The following RARB variants were observed in gnomAD, a reference collection of about 807,000 sequenced individuals.
RARB encodes retinoic acid receptor beta.
In RARB, 17 loss-of-function variants were observed where a neutral mutation model predicts 51.9. That is an observed-to-expected ratio of 0.33 (90% CI 0.22 to 0.49). RARB has a LOEUF of 0.49. RARB is among the 20% of genes least tolerant of loss of function. RARB has a pLI of 0.99. For missense variants in RARB, 369 were observed against 550.8 expected (o/e 0.67, Z 3.30); for synonymous variants, 215 against 195.4 (o/e 1.10, Z -0.84).
chr3:25,131,420 A>C (rs1265793295), intron 3 of RARB, among the ~76,000 whole-genome samples: 1 of 151,982 alleles, frequency 6.6e-6, no homozygotes, highest in African/African-American at 2.4e-5. Flanking sequence ...TTTCTTTTTA[A>C]ACATTTTGAT....
chr3:25,541,092 C>G (rs1171257837), intron 3 of RARB, among the ~76,000 whole-genome samples: 1 of 152,244 alleles, frequency 6.6e-6, no homozygotes, highest in Non-Finnish European at 1.5e-5. Flanking sequence ...CATGCCTATT[C>G]ATTTATACTC....
chr3:25,173,908 A>G lies in RARB; in HGVS notation c.-279-211A>G, dbSNP rs143980276. 3.6e-3 allele frequency among the ~76,000 whole-genome samples: 552 copies of G among 152,300 alleles called. 3 individuals are homozygous for G. Among genetic ancestry groups the G allele is most frequent in the African/African-American group, 0.013 (531 of 41,562 alleles). On this transcript the variant is annotated intron_variant, in intron 4 of 11. Transcript: ENST00000383772. Reference sequence around the variant, plus strand: ...AGGAGTGGAGGTTTTGCTATTTAATATCAGATGGCCAGTTATTTTTAAATT... The same window carrying G: ...AGGAGTGGAGGTTTTGCTATTTAATGTCAGATGGCCAGTTATTTTTAAATT...
intron 5 of RARB, among the ~76,000 whole-genome samples, chr3:25,231,942 G>T (rs755011500): frequency 2.6e-5 from 4 of 151,320 alleles, no homozygotes; most frequent in Non-Finnish European, 4.4e-5. Context: ...TTTTCTTTCG[G>T]TATCGTGTCT....
In RARB at chr3:25,251,601, C is replaced by G. The variant is rs137999974; in HGVS notation, c.178+77026C>G. Among the ~76,000 whole-genome samples, 532 of 152,190 alleles carry G rather than the reference C, an allele frequency of 3.5e-3. 5 individuals are homozygous for G. The highest frequency in any genetic ancestry group is 0.012 in the African/African-American group (518 of 41,522). ...TATTGTGGTTTTGGTTGGCATTTTC[C>G]TAATGACTAATGATGTTGGACAGGT... On this transcript the variant is annotated intron_variant, in intron 5 of 11. Transcript: ENST00000383772.
chr3:25,182,195 G>A (rs757842035), intron 5 of RARB, among the ~76,000 whole-genome samples: 1 of 152,162 alleles, frequency 6.6e-6, no homozygotes, highest in African/African-American at 2.4e-5. Context: ...ATGAATGAGT[G>A]AATGAATGAA....
intron 5 of RARB, among the ~76,000 whole-genome samples, chr3:25,286,131 A>C (rs573204633): frequency 2.8e-3 from 336 of 119,922 alleles, no homozygotes; most frequent in African/African-American, 6.5e-3. Context: ...CTCTGTCACC[A>C]AGGCTGGAGT....
At chr3:24,981,890 C>T (rs4075413) in intron 2 of RARB, among the ~76,000 whole-genome samples, 73,146 of 151,930 alleles carry the variant, frequency 0.48, 18,021 homozygotes, top group Admixed American at 0.6. Flanking sequence ...AGCTGTAGAC[C>T]AGAGCTATTC....
intron 3 of RARB, among the ~76,000 whole-genome samples, chr3:25,530,064 C>A (rs1698834280): frequency 6.6e-6 from 1 of 152,166 alleles, no homozygotes; most frequent in Non-Finnish European, 1.5e-5. Context: ...ATTACTGTCT[C>A]AGCGCTGACC....
At chr3:25,544,424 T>C (rs560300659) in intron 3 of RARB, among the ~76,000 whole-genome samples, 1 of 152,310 alleles carries the variant, frequency 6.6e-6, no homozygotes, top group African/African-American at 2.4e-5. Context: ...TCATGCTATA[T>C]GGAGACTATG....
intron 5 of RARB, among the ~76,000 whole-genome samples, chr3:25,421,403 C>CTTTTTTTTTTTTTTTTTTTT (rs766378555): frequency 4.1e-5 from 3 of 72,364 alleles, no homozygotes; most frequent in African/African-American, 1.3e-4. Flanking sequence ...TTCTTCTTTT[C>CTTTTTTTTTTTTTTTTTTTT]TTTTTTTTTT....
At chr3:24,922,619 A>G (rs543426052) in intron 2 of RARB, among the ~76,000 whole-genome samples, 2 of 152,192 alleles carry the variant, frequency 1.3e-5, no homozygotes, top group Non-Finnish European at 1.5e-5. Context: ...CTATGCTCTT[A>G]ACCTCTAAAT....
In RARB at chr3:25,470,275, GA is replaced by G. The variant is rs919731243; in HGVS notation, c.306+8943del. Among the ~76,000 whole-genome samples, 13 of 151,128 alleles carry G rather than the reference GA, an allele frequency of 8.6e-5. No homozygotes were observed. In the East Asian group the frequency reaches 9.7e-4, roughly 11 times the overall value. Reference sequence around the variant, plus strand: ...CGTTTTAATGCTGAGAGCAAGAAAAGAAAAAAAAAGTTTTAAAATGCAATTT... The same window carrying G: ...CGTTTTAATGCTGAGAGCAAGAAAAGAAAAAAAAGTTTTAAAATGCAATTT... On this transcript the variant is annotated intron_variant, in intron 2 of 7. Transcript: ENST00000330688.
In RARB at chr3:25,314,685, T is replaced by C. The variant is rs1019173989; in HGVS notation, c.178+140110T>C. Among the ~76,000 whole-genome samples, 5 of 152,336 alleles carry C rather than the reference T, an allele frequency of 3.3e-5. No homozygotes were observed. In the South Asian group the frequency reaches 1.0e-3, roughly 32 times the overall value. On this transcript the variant is annotated intron_variant, in intron 5 of 11. Coordinates refer to the RARB transcript ENST00000383772. ...TATATATATACTTTCATTTTTTAATTTTTTAAAATACTTTCAACTTTTATT... is the reference window on the plus strand; with the variant it reads ...TATATATATACTTTCATTTTTTAATCTTTTAAAATACTTTCAACTTTTATT...
At chr3:25,059,382 GA>G (rs976434200) in intron 2 of RARB, among the ~76,000 whole-genome samples, 2 of 151,432 alleles carry the variant, frequency 1.3e-5, no homozygotes, top group Non-Finnish European at 3.0e-5. Flanking sequence ...ATATCCCCCA[GA>G]AAAAAACCAT....
At chr3:24,956,287 T>A (rs972812689) in intron 2 of RARB, among the ~76,000 whole-genome samples, 23 of 152,210 alleles carry the variant, frequency 1.5e-4, no homozygotes, top group Admixed American at 1.3e-4. Flanking sequence ...GGTCTCAGTT[T>A]TCTCATTTGT....
At chr3:25,357,700 G>T (rs1018985666) in intron 5 of RARB, among the ~76,000 whole-genome samples, 1 of 152,168 alleles carries the variant, frequency 6.6e-6, no homozygotes, top group Admixed American at 6.5e-5. Flanking sequence ...AAGGTGTAAG[G>T]AAGGGGTGCA....
chr3:25,548,083 T>C (rs990809958), intron 3 of RARB, among the ~76,000 whole-genome samples: 5 of 150,942 alleles, frequency 3.3e-5, no homozygotes. Context: ...TATATTGTCA[T>C]TTCTGTGATT....
Position 25,370,397 on chromosome 3 carries a change from G to T in RARB, c.179-90796G>T, listed in dbSNP as rs142817138. 4.6e-3 allele frequency among the ~76,000 whole-genome samples: 700 copies of T among 152,302 alleles called. 3 individuals are homozygous for T. The highest frequency in any genetic ancestry group is 0.016 in the African/African-American group (663 of 41,560). On this transcript the variant is annotated intron_variant, in intron 5 of 11. Coordinates refer to the RARB transcript ENST00000383772. ...ACTGGTACCATAAGGGTAGCAAGGT[G>T]CTTACACAAGTACCTTAAGGAAGAG...
At chr3:24,914,151 A>G (rs148626041) in intron 2 of RARB, among the ~76,000 whole-genome samples, 1,721 of 152,310 alleles carry the variant, frequency 0.011, 26 homozygotes, top group African/African-American at 0.039. Flanking sequence ...TCCACCTTCT[A>G]TATGCTCCAA....
Sources: allele counts gnomAD v4.1 joint callset (sites outside exome capture counted in the v4.1 genomes callset), GRCh38; gene constraint gnomAD v4.1.1; transcripts MANE v1.5; gene names NCBI Gene and HGNC (gene_info 2026-07-23, HGNC 2026-07-21).